The following ARHGAP28 variants were observed in gnomAD, a reference collection of about 807,000 sequenced individuals.
ARHGAP28 encodes the protein Rho GTPase activating protein 28.
Under a neutral mutation model 90.7 loss-of-function variants are expected in ARHGAP28, and 56 were observed. The observed-to-expected ratio is 0.62, with a 90% CI of 0.50 to 0.77. The LOEUF is 0.77. Among genes scored for constraint, ARHGAP28 ranks in the 30% least tolerant of loss-of-function variants. The pLI is 0.00. For synonymous variants in ARHGAP28, 308 were observed against 323.3 expected (o/e 0.95, Z 0.51); for missense variants, 869 against 900.9 (o/e 0.96, Z 0.45).
At chr18:6,753,054 A>C (rs1201062399) in intron 1 of ARHGAP28, among the ~76,000 whole-genome samples, 1 of 152,138 alleles carries the variant, frequency 6.6e-6, no homozygotes, top group African/African-American at 2.4e-5. Context: ...TGTATCTTAC[A>C]GAAATGTTGC....
At chr18:6,763,714 C>T (rs986199225) in intron 1 of ARHGAP28, among the ~76,000 whole-genome samples, 4 of 152,182 alleles carry the variant, frequency 2.6e-5, no homozygotes, top group African/African-American at 9.7e-5. Flanking sequence ...CTGGGTGCTC[C>T]CAGCTCCAGT....
At position 6,730,618 on chromosome 18, in the gene ARHGAP28, A is replaced by G. The variant is rs977290079; in HGVS notation, c.122+675A>G. On this transcript the variant is annotated intron_variant, in intron 1 of 17. Coordinates refer to ENST00000383472, the MANE Select transcript of ARHGAP28 (RefSeq NM_001366230.1). Reference sequence around the variant, plus strand: ...ACATTTCAGATTTAATCAAGGATCTATGTTAAATTACTCTATCAGTGATCA... The same window carrying G: ...ACATTTCAGATTTAATCAAGGATCTGTGTTAAATTACTCTATCAGTGATCA... 5.3e-5 allele frequency among the ~76,000 whole-genome samples: 8 copies of G among 152,326 alleles called. No individual in the cohort carries two copies. In the East Asian group the frequency reaches 7.7e-4, roughly 15 times the overall value.
At chr18:6,793,373 G>A (rs905239942) in intron 1 of ARHGAP28, among the ~76,000 whole-genome samples, 2 of 152,100 alleles carry the variant, frequency 1.3e-5, no homozygotes, top group East Asian at 1.9e-4. Context: ...GGCCATGGAC[G>A]CTGTTCTTAT....
At chr18:6,819,775 G>A (rs2056614857) in intron 1 of ARHGAP28, among the ~76,000 whole-genome samples, 1 of 152,058 alleles carries the variant, frequency 6.6e-6, no homozygotes, top group Non-Finnish European at 1.5e-5. Context: ...TTAGCAGGAG[G>A]GACCTATAGT....
At chr18:6,811,494 G>T (rs1184634351) in intron 1 of ARHGAP28, among the ~76,000 whole-genome samples, 3 of 152,108 alleles carry the variant, frequency 2.0e-5, no homozygotes, top group African/African-American at 7.2e-5. Context: ...GGTTTGCTAT[G>T]TACAGGTTAC....
chr18:6,772,621 G>A (rs565801174), intron 1 of ARHGAP28, among the ~76,000 whole-genome samples: 5 of 152,346 alleles, frequency 3.3e-5, no homozygotes, highest in African/African-American at 1.2e-4. Flanking sequence ...AAGATAATGA[G>A]CACGTTTATG....
chr18:6,860,900 G>T lies in ARHGAP28; in HGVS notation c.726+1003G>T, dbSNP rs1052054331. On this transcript the variant is annotated intron_variant, in intron 5 of 17. Coordinates refer to ENST00000383472, the MANE Select transcript of ARHGAP28 (RefSeq NM_001366230.1). ...AGGTTATGGCATAAATAGGCTGAGG[G>T]TTACCCACAATATCTGACCCACTGA... 3.9e-5 allele frequency among the ~76,000 whole-genome samples: 6 copies of T among 152,132 alleles called. No individual in the cohort carries two copies. In the South Asian group the frequency reaches 6.2e-4, roughly 16 times the overall value.
At chr18:6,859,091 ACAAC>A (rs2056976938) in intron 4 of ARHGAP28, among the ~76,000 whole-genome samples, 1 of 91,660 alleles carries the variant, frequency 1.1e-5, no homozygotes, top group Non-Finnish European at 2.7e-5. Flanking sequence ...AACAACAACA[ACAAC>A]AAAAAACAAA....
At chr18:6,745,496 C>T (rs995517096) in intron 1 of ARHGAP28, among the ~76,000 whole-genome samples, 8 of 152,264 alleles carry the variant, frequency 5.3e-5, no homozygotes, top group African/African-American at 1.7e-4. Context: ...GTTTAAAAAT[C>T]GAGGTATACT....
chr18:6,892,721 CTTTGT>C (rs541849346), intron 14 of ARHGAP28, among the ~76,000 whole-genome samples: 1 of 152,218 alleles, frequency 6.6e-6, no homozygotes, highest in African/African-American at 2.4e-5. Flanking sequence ...AGTCTGTATT[CTTTGT>C]TTTGTGTGAC....
At chr18:6,741,072 A>G (rs2055973006) in intron 1 of ARHGAP28, among the ~76,000 whole-genome samples, 1 of 152,228 alleles carries the variant, frequency 6.6e-6, no homozygotes, top group South Asian at 2.1e-4. Context: ...GCTTCCTTTC[A>G]AACACTATTA....
intron 4 of ARHGAP28, among the ~76,000 whole-genome samples, chr18:6,855,813 A>G (rs1396394890): frequency 6.6e-6 from 1 of 152,186 alleles, no homozygotes; most frequent in Non-Finnish European, 1.5e-5. Context: ...AGTGGAAGCC[A>G]CCTGTGGTAC....
intron 1 of ARHGAP28, among the ~76,000 whole-genome samples, chr18:6,778,571 T>G (rs952136314): frequency 1.3e-5 from 2 of 152,238 alleles, no homozygotes; most frequent in African/African-American, 4.8e-5. Context: ...ATCAGCAATG[T>G]GTCTTCAGAC....
chr18:6,854,187 TTC>T (rs919186097), intron 4 of ARHGAP28, among the ~76,000 whole-genome samples: 16 of 151,460 alleles, frequency 1.1e-4, no homozygotes, highest in Admixed American at 8.6e-4. Context: ...ATAGTAGAAT[TTC>T]TCTCTCTCTC....
At chr18:6,806,127 C>G (rs944683946) in intron 1 of ARHGAP28, among the ~76,000 whole-genome samples, 3 of 152,098 alleles carry the variant, frequency 2.0e-5, no homozygotes, top group Non-Finnish European at 4.4e-5. Context: ...CTCCTGAGCT[C>G]AGGCAGTCCG....
Position 6,824,882 on chromosome 18 carries a change from C to T in ARHGAP28, c.243C>T (p.Phe81=). ...TAGACAGCGCCTCCATGGAGGATTT[C>T]TGGCGGGAAATAGAAAGTATTAAAG... is the stretch of plus-strand genomic sequence containing the variant. ...ASVDSASMED[F]WREIESIKDS... is the part of the protein sequence containing the mutation. Residue 81 remains phenylalanine (F), a synonymous_variant, in exon 2 of 18, where the codon TTC becomes TTT. Coordinates refer to ENST00000383472, the MANE Select transcript of ARHGAP28 (RefSeq NM_001366230.1). The T allele has an allele frequency of 6.5e-7, 1 of 1,536,204 alleles. No homozygotes were observed. The highest frequency in any genetic ancestry group is 8.7e-7 in the Non-Finnish European group (1 of 1,146,938).
intron 10 of ARHGAP28, among the ~76,000 whole-genome samples, chr18:6,879,742 G>C (rs113699254): frequency 6.6e-6 from 1 of 152,214 alleles, no homozygotes; most frequent in Non-Finnish European, 1.5e-5. Context: ...CAGCCAGTGC[G>C]GTGTTTATTG....
chr18:6,754,273 CA>C (rs1167752754), intron 1 of ARHGAP28, among the ~76,000 whole-genome samples: 1 of 152,252 alleles, frequency 6.6e-6, no homozygotes, highest in South Asian at 2.1e-4. Flanking sequence ...ACTATTATGG[CA>C]AACCCATTAA....
Position 6,870,905 on chromosome 18 carries a change from A to G in ARHGAP28, c.954+173A>G, listed in dbSNP as rs558794745. On this transcript the variant is annotated intron_variant, in intron 7 of 17. Coordinates refer to ENST00000383472, the MANE Select transcript of ARHGAP28 (RefSeq NM_001366230.1). ...AAGCTCTGCCTCCCGGGTTCACGCC[A>G]TTCTCCTGCCTCAGCCTCCCGAGTA... Among the ~76,000 whole-genome samples, 50 of 151,576 alleles carry G rather than the reference A, an allele frequency of 3.3e-4. 1 individual carries two copies. The highest frequency in any genetic ancestry group is 1.9e-4 in the East Asian group (1 of 5,134).
Sources: gnomAD v4.1 joint callset for allele counts (sites outside exome capture counted in the v4.1 genomes callset) on GRCh38, gnomAD v4.1.1 for gene constraint, MANE v1.5 for transcripts, NCBI Gene and HGNC (gene_info 2026-07-23, HGNC 2026-07-21) for gene names.